ACOXL: variants seen among roughly 807,000 people sequenced by gnomAD.
ACOXL encodes acyl-coenzyme A oxidase-like protein.
Under a neutral mutation model 71.9 loss-of-function variants are expected in ACOXL, and 70 were observed. That is an observed-to-expected ratio of 0.97 (90% CI 0.80 to 1.19). The LOEUF is 1.19. ACOXL is among the 50% of genes most tolerant of loss of function. The pLI is 0.00. For synonymous variants in ACOXL, 253 were observed against 281.6 expected (o/e 0.90, Z 1.02); for missense variants, 703 against 736.3 (o/e 0.95, Z 0.52).
At chr2:110,955,429 CCT>C (rs71383893) in intron 12 of ACOXL, among the ~76,000 whole-genome samples, 19,105 of 140,488 alleles carry the variant, frequency 0.14, 1,330 homozygotes, top group Middle Eastern at 0.2. Flanking sequence ...AGTCCACCTC[CCT>C]CTCTCTCTCT....
chr2:110,840,050 C>T (rs1412844933), intron 9 of ACOXL, among the ~76,000 whole-genome samples: 2 of 151,908 alleles, frequency 1.3e-5, no homozygotes, highest in East Asian at 1.9e-4. Context: ...AGTGCGGTGG[C>T]GCAATCTCAG....
intron 3 of ACOXL, among the ~76,000 whole-genome samples, chr2:110,787,465 C>T (rs1438332004): frequency 7.2e-6 from 1 of 139,456 alleles, no homozygotes; most frequent in African/African-American, 2.7e-5. Flanking sequence ...ACCCGGGAGG[C>T]GGAGCTTGCA....
Position 110,997,766 on chromosome 2 carries a change from C to T in ACOXL, c.1281+1762C>T, listed in dbSNP as rs1301645960. Among the ~76,000 whole-genome samples, 11 of 152,144 alleles carry T rather than the reference C, an allele frequency of 7.2e-5. No homozygotes were observed. In the East Asian group the frequency reaches 1.7e-3, roughly 24 times the overall value. On this transcript the variant is annotated intron_variant, in intron 14 of 17. Transcript: ENST00000439055. The stretch of plus-strand genomic sequence containing the variant: ...ACTATATGTTTTTAAAAAACAGTCA[C>T]GAAATTGGCTGGGCGTGGTGGCTCA...
intron 10 of ACOXL, among the ~76,000 whole-genome samples, chr2:110,882,672 C>A (rs1696805576): frequency 6.6e-6 from 1 of 152,018 alleles, no homozygotes; most frequent in Non-Finnish European, 1.5e-5. Flanking sequence ...AGGTATGGGT[C>A]AAAATTCACT....
chr2:111,020,007 C>A (rs1230651381), intron 14 of ACOXL, among the ~76,000 whole-genome samples: 1 of 152,170 alleles, frequency 6.6e-6, no homozygotes, highest in Non-Finnish European at 1.5e-5. Flanking sequence ...ATTACAGGCA[C>A]ATGCCACCAC....
intron 11 of ACOXL, among the ~76,000 whole-genome samples, chr2:110,911,745 C>T (rs1310062841): frequency 6.6e-6 from 1 of 152,048 alleles, no homozygotes; most frequent in African/African-American, 2.4e-5. Context: ...GAAAAACCCA[C>T]AGTTAACATC....
At chr2:110,880,215 A>T (rs1375442342) in intron 10 of ACOXL, among the ~76,000 whole-genome samples, 4 of 152,090 alleles carry the variant, frequency 2.6e-5, no homozygotes, top group Non-Finnish European at 5.9e-5. Flanking sequence ...TGTAAAAGAT[A>T]CAAGAAATGC....
intron 14 of ACOXL, among the ~76,000 whole-genome samples, chr2:111,003,010 T>C (rs1031021859): frequency 4.1e-4 from 63 of 152,356 alleles, no homozygotes; most frequent in Non-Finnish European, 4.4e-5. Flanking sequence ...AATAGGTCCA[T>C]TGTAAAATAT....
chr2:111,075,346 C>T (rs1279497316), intron 16 of ACOXL, among the ~76,000 whole-genome samples: 1 of 152,060 alleles, frequency 6.6e-6, no homozygotes. Context: ...GGAATTACTT[C>T]ATTTCAGCTG....
intron 9 of ACOXL, among the ~76,000 whole-genome samples, chr2:110,827,307 T>A (rs1377104028): frequency 6.6e-6 from 1 of 151,778 alleles, no homozygotes. Flanking sequence ...CTCTCCCGGG[T>A]CATGATGACG....
At chr2:110,820,857 ACT>A (rs1014995650) in intron 9 of ACOXL, among the ~76,000 whole-genome samples, 1 of 151,922 alleles carries the variant, frequency 6.6e-6, no homozygotes, top group Admixed American at 6.6e-5. Flanking sequence ...TTCAGGGAAA[ACT>A]CTAATCAAAA....
intron 14 of ACOXL, among the ~76,000 whole-genome samples, chr2:111,018,936 A>G (rs933606379): frequency 1.3e-5 from 2 of 152,214 alleles, no homozygotes; most frequent in African/African-American, 4.8e-5. Flanking sequence ...CCTCCCACTC[A>G]CAGCCCCAAG....
At chr2:110,856,413 C>T (rs1265699121) in intron 10 of ACOXL, among the ~76,000 whole-genome samples, 1 of 152,148 alleles carries the variant, frequency 6.6e-6, no homozygotes, top group Non-Finnish European at 1.5e-5. Flanking sequence ...TATTTGACTT[C>T]ATATGTCCCC....
intron 9 of ACOXL, among the ~76,000 whole-genome samples, chr2:110,831,166 C>T (rs1489802766): frequency 1.3e-5 from 2 of 151,990 alleles, no homozygotes; most frequent in East Asian, 1.9e-4. Flanking sequence ...AAATAAGAGG[C>T]ATAAAGATCA....
chr2:111,045,323 G>C (rs551149346), intron 15 of ACOXL, among the ~76,000 whole-genome samples: 45 of 152,322 alleles, frequency 3.0e-4, no homozygotes, highest in African/African-American at 8.7e-4. Context: ...GAAGAAGGGA[G>C]GGGTCATGAA....
At chr2:110,797,386 G>A (rs1024413309) in intron 5 of ACOXL, among the ~76,000 whole-genome samples, 8 of 152,122 alleles carry the variant, frequency 5.3e-5, no homozygotes, top group African/African-American at 1.9e-4. Context: ...TCCATTTTAG[G>A]AGCTTGAACA....
At chr2:111,064,895 A>G (rs1015586189) in intron 16 of ACOXL, among the ~76,000 whole-genome samples, 18 of 152,260 alleles carry the variant, frequency 1.2e-4, no homozygotes, top group Admixed American at 1.1e-3. Flanking sequence ...ATATTCATCA[A>G]TTGGAAGATT....
chr2:110,925,446 A>G (rs2149310419), intron 11 of ACOXL, among the ~76,000 whole-genome samples: 1 of 152,380 alleles, frequency 6.6e-6, no homozygotes, highest in South Asian at 2.1e-4. Flanking sequence ...TAGCTTCTAC[A>G]TCAGCACTTG....
chr2:110,968,322 G>T, intron 12 of ACOXL: 1 of 1,196,910 alleles, frequency 8.4e-7, no homozygotes, highest in Non-Finnish European at 1.2e-6. Flanking sequence ...TTGGCTCCCT[G>T]AAGGGAGCTG....
Sources: gnomAD v4.1 joint callset for allele counts (sites outside exome capture counted in the v4.1 genomes callset) on GRCh38, gnomAD v4.1.1 for gene constraint, MANE v1.5 for transcripts, NCBI Gene and HGNC (gene_info 2026-07-23, HGNC 2026-07-21) for gene names.